THTPA: variants seen among roughly 807,000 people sequenced by gnomAD.
The protein encoded by THTPA is thiamine-triphosphatase.
In THTPA, 16 loss-of-function variants were observed where a neutral mutation model predicts 16.5. That is an observed-to-expected ratio of 0.97 (90% CI 0.66 to 1.47). The LOEUF (loss-of-function observed/expected upper bound fraction) is 1.47, where lower values mean the gene tolerates loss of function less well. Among genes scored for constraint, THTPA ranks in the 40% most tolerant of loss-of-function variants. The pLI, the probability that THTPA is intolerant of heterozygous loss-of-function variation, is 0.00. For synonymous variants in THTPA, 110 were observed against 115.5 expected, an observed-to-expected ratio of 0.95 and a Z score of 0.30; for missense variants, 281 against 280.9, an observed-to-expected ratio of 1.00 and a Z score of 0.00.
the THTPA span, chr14:23,522,840 G>A: frequency 1.0e-5 from 16 of 1,533,064 alleles, no homozygotes; most frequent in Non-Finnish European, 1.4e-5. Context: ...TCGGGCATGG[G>A]TCTCTGAGGT....
At chr14:23,525,700 G>A in the THTPA span, 6 of 1,525,472 alleles carry the variant, frequency 3.9e-6, no homozygotes, top group East Asian at 7.4e-5. The surrounding 1 kb of genome is among the most constrained non-coding windows in gnomAD (Gnocchi z 5.9). Context: ...CTTTGGCCAT[G>A]GGGGGCCGCT....
chr14:23,540,154 C>A, the THTPA span, among the ~76,000 whole-genome samples: 2,387 of 152,280 alleles, frequency 0.016, 65 homozygotes, highest in African/African-American at 0.054. Flanking sequence ...CCACGCCCAG[C>A]TAATTTTTGT....
At chr14:23,524,537 G>A in the THTPA span, 40 of 1,527,206 alleles carry the variant, frequency 2.6e-5, no homozygotes, top group African/African-American at 2.2e-4. This position sits in a 1 kb window ranked among gnomAD's most constrained non-coding sequence, Gnocchi z 5.6. Flanking sequence ...TAGGAGTTGG[G>A]GGGGAGCACT....
the THTPA span, chr14:23,527,480 G>A: frequency 1.3e-4 from 160 of 1,250,810 alleles, no homozygotes; most frequent in Non-Finnish European, 1.6e-4. Context: ...GCCAACACAC[G>A]CACTTGCCTG....
At chr14:23,511,961 C>G in the THTPA span, 1 of 152,328 alleles carries the variant, frequency 6.6e-6, no homozygotes, top group Non-Finnish European at 1.5e-5. Flanking sequence ...CATCACCACT[C>G]AGCTCTCTTC....
At chr14:23,540,743 T>C in the THTPA span, among the ~76,000 whole-genome samples, 62 of 152,324 alleles carry the variant, frequency 4.1e-4, no homozygotes, top group East Asian at 4.2e-3. Context: ...ATATTTTCCT[T>C]ACTCAGTTGT....
At chr14:23,531,596 G>A in the THTPA span, 48 of 1,526,484 alleles carry the variant, frequency 3.1e-5, no homozygotes, top group South Asian at 1.9e-4. Context: ...CCTGGGCATC[G>A]CGGTGGGCAG....
chr14:23,524,581 G>A, the THTPA span: 8 of 1,535,574 alleles, frequency 5.2e-6, no homozygotes, highest in Non-Finnish European at 6.1e-6. The surrounding 1 kb of genome is among the most constrained non-coding windows in gnomAD (Gnocchi z 5.6). Flanking sequence ...GTAGTCGGCG[G>A]TGACTGGTCA....
rs771574219 is a variant in THTPA at position 23,556,934 on chromosome 14, T to C, written c.177T>C (p.Asp59=). The C allele has an allele frequency of 2.5e-6, 4 of 1,613,926 alleles. No individual in the cohort carries two copies. The South Asian group carries it at 3.3e-5, about 13-fold the overall frequency. Reference sequence around the variant, plus strand: ...ACCACTGGCTGCGACGACGAGAGGATAGTGGATGGGAGCTCAAATGTCCTG... The same window carrying C: ...ACCACTGGCTGCGACGACGAGAGGACAGTGGATGGGAGCTCAAATGTCCTG... ...QADHWLRRRE[D]SGWELKCPGA... Residue 59 remains aspartate (D), a synonymous_variant, in exon 1 of 2, where the codon GAT becomes GAC. Transcript: ENST00000288014.
chr14:23,527,024 A>G, the THTPA span: 9 of 1,459,698 alleles, frequency 6.2e-6, no homozygotes, highest in Non-Finnish European at 8.1e-6. Flanking sequence ...CACTGCCCCT[A>G]TGCCACTCCT....
chr14:23,539,859 A>C, the THTPA span, among the ~76,000 whole-genome samples: 3 of 152,182 alleles, frequency 2.0e-5, no homozygotes, highest in Non-Finnish European at 4.4e-5. Flanking sequence ...TTTCCTCCCT[A>C]ACTCCCCTCC....
At chr14:23,525,651 A>G in the THTPA span, 28 of 1,535,580 alleles carry the variant, frequency 1.8e-5, no homozygotes, top group Admixed American at 4.7e-4. This position sits in a 1 kb window ranked among gnomAD's most constrained non-coding sequence, Gnocchi z 5.9. Context: ...TCGTTGGGCA[A>G]TGGGTCGGGG....
the THTPA span, chr14:23,531,852 A>G: frequency 8.5e-7 from 1 of 1,173,956 alleles, no homozygotes. Flanking sequence ...ATCTCTACTC[A>G]CTGAAGCCTC....
At chr14:23,516,966 G>A in the THTPA span, among the ~76,000 whole-genome samples, 77 of 152,232 alleles carry the variant, frequency 5.1e-4, no homozygotes, top group African/African-American at 1.8e-3. Context: ...CAGTTGGGTG[G>A]GATTAGGAGT....
chr14:23,558,538 G>A (rs551497845), intron 1 of THTPA, among the ~76,000 whole-genome samples, 157 bp from the exon 2 acceptor site: 2 of 152,320 alleles, frequency 1.3e-5, no homozygotes, highest in African/African-American at 4.8e-5. Context: ...GGCAGGCAGG[G>A]AGTGGACTAG....
chr14:23,539,303 C>T, the THTPA span, among the ~76,000 whole-genome samples: 1 of 152,174 alleles, frequency 6.6e-6, no homozygotes, highest in African/African-American at 2.4e-5. Flanking sequence ...ACTTTCAAGG[C>T]TCAGCCAGGG....
chr14:23,535,343 T>C, the THTPA span: 3 of 1,443,300 alleles, frequency 2.1e-6, no homozygotes, highest in Admixed American at 8.1e-5. This position sits in a 1 kb window ranked among gnomAD's most constrained non-coding sequence, Gnocchi z 4.5. Context: ...GGAGGAGTGC[T>C]GGGGGCTCAT....
chr14:23,528,695 C>G, the THTPA span: 1 of 985,296 alleles, frequency 1.0e-6, no homozygotes, highest in Non-Finnish European at 1.2e-6. Context: ...TTCCATCTTT[C>G]TTTTTCCTTC....
chr14:23,558,536 G>A (rs1386431854), intron 1 of THTPA, among the ~76,000 whole-genome samples, 159 bp from the exon 2 acceptor site: 1 of 152,206 alleles, frequency 6.6e-6, no homozygotes, highest in Non-Finnish European at 1.5e-5. Context: ...CAGGCAGGCA[G>A]GGAGTGGACT....
Sources: gnomAD v4.1 joint callset for allele counts (sites outside exome capture counted in the v4.1 genomes callset) on GRCh38, gnomAD v4.1.1 for gene constraint, Gnocchi (gnomAD v3.1) non-coding constraint, MANE v1.5 for transcripts, NCBI Gene and HGNC (gene_info 2026-07-23, HGNC 2026-07-21) for gene names.